STAG1: variants seen among roughly 807,000 people sequenced by gnomAD.
The protein encoded by STAG1 is cohesin subunit SA-1.
STAG1 carries 26 observed loss-of-function variants against 170.9 expected under a neutral mutation model. That is an observed-to-expected ratio of 0.15 (90% confidence interval 0.11 to 0.21). The LOEUF (loss-of-function observed/expected upper bound fraction) is 0.21. Ranked by LOEUF, STAG1 falls within the 10% of genes least tolerant of loss-of-function variation. The pLI is 1.00. For missense variants in STAG1, 964 were observed against 1,509.5 expected, an observed-to-expected ratio of 0.64 and a Z score of 5.99; for synonymous variants, 514 against 497.7, an observed-to-expected ratio of 1.03 and a Z score of -0.44.
Position 136,619,177 on chromosome 3 carries a change from A to G in STAG1, c.132+3969T>C, listed in dbSNP as rs142286802. Among the ~76,000 whole-genome samples, 359 of 151,888 alleles carry G rather than the reference A, an allele frequency of 2.4e-3. 2 individuals are homozygous for G. The highest frequency in any genetic ancestry group is 8.2e-3 in the African/African-American group (339 of 41,410). On this transcript the variant is annotated intron_variant, in intron 3 of 33. Coordinates refer to ENST00000383202, the MANE Select transcript of STAG1 (RefSeq NM_005862.3). ...TTAGAATCCTTCTGTGTTGGAAATT[A>G]TTTCAAAATGAAAAATTTTTTAAAC... is the stretch of plus-strand genomic sequence containing the variant.
chr3:136,421,720 C>T (rs1481770336), intron 19 of STAG1, among the ~76,000 whole-genome samples: 1 of 152,100 alleles, frequency 6.6e-6, no homozygotes, highest in Non-Finnish European at 1.5e-5. Context: ...CTTGGGCATA[C>T]CATTGATAAG....
chr3:136,496,048 G>C (rs1172264727), intron 9 of STAG1, among the ~76,000 whole-genome samples: 1 of 151,746 alleles, frequency 6.6e-6, no homozygotes, highest in Non-Finnish European at 1.5e-5. Context: ...GGAGGCTGAG[G>C]CAGGAGAACC....
intron 6 of STAG1, among the ~76,000 whole-genome samples, chr3:136,541,241 A>C (rs2107725448): frequency 6.6e-6 from 1 of 152,280 alleles, no homozygotes; most frequent in African/African-American, 2.4e-5. Flanking sequence ...GCTGAAAGTC[A>C]AGAAAAAGAA....
intron 14 of STAG1, among the ~76,000 whole-genome samples, chr3:136,446,066 T>C (rs1037622734): frequency 3.3e-5 from 5 of 152,198 alleles, no homozygotes; most frequent in Non-Finnish European, 7.4e-5. Flanking sequence ...GATTACTTTA[T>C]CTGTCCTTCA....
Position 136,349,211 on chromosome 3 carries a change from G to A in STAG1, c.3218C>T (p.Ser1073Leu). The change falls in exon 29 of 34, where the codon TCA becomes TTA. Residue 1073 changes from serine to leucine, a missense_variant. By Grantham distance (145) the Ser-to-Leu change is moderately radical. Coordinates refer to ENST00000383202, the MANE Select transcript of STAG1 (RefSeq NM_005862.3). The stretch of plus-strand genomic sequence containing the variant: ...TCGTCCTTTCTTATTCCTTACTGAT[G>A]AGGTTTTGCTGCTGCTACTTCCACT... ...VNSGSSSSKT[S>L]SVRNKKGRPP... The A allele has an allele frequency of 1.9e-6, 3 of 1,614,040 alleles. No individual in the cohort carries two copies. The highest frequency in any genetic ancestry group is 2.5e-6 in the Non-Finnish European group (3 of 1,179,984).
rs903753372 is a variant in STAG1 at position 136,514,518 on chromosome 3, T to C, written c.676+6695A>G. On this transcript the variant is annotated intron_variant, in intron 7 of 33. Transcript: ENST00000383202. Reference sequence around the variant, plus strand: ...AGACAGTGTGGTGATTCCCCAGTTATCTAGAACTAGAAATATCATTTGACC... The same window carrying C: ...AGACAGTGTGGTGATTCCCCAGTTACCTAGAACTAGAAATATCATTTGACC... 2.0e-5 allele frequency among the ~76,000 whole-genome samples: 3 copies of C among 152,182 alleles called. No individual in the cohort carries two copies. The South Asian group carries it at 6.2e-4, about 31-fold the overall frequency.
rs1361461200 is a variant in STAG1 at position 136,338,195 on chromosome 3, G to T, written c.*59C>A. The T allele has an allele frequency of 1.3e-5, 15 of 1,169,348 alleles. No individual in the cohort carries two copies. Among genetic ancestry groups the T allele is most frequent in the Non-Finnish European group, 1.9e-5 (15 of 785,946 alleles). The allele number at this position is 1,169,348 out of a possible 1,614,324, so 72.4% of individuals were successfully genotyped here. A position where few individuals can be genotyped will look rare whatever the true frequency, so the allele number is the denominator to read the frequency against. ...GTTTTTCCCCATACAAGCTATCACA[G>T]TATATAGGCCTCTAGCTCTAAATAA... On this transcript the variant is annotated 3_prime_UTR_variant, in exon 34 of 34. Coordinates refer to ENST00000383202, the MANE Select transcript of STAG1 (RefSeq NM_005862.3).
intron 4 of STAG1, among the ~76,000 whole-genome samples, chr3:136,603,237 G>A (rs1260897098): frequency 1.3e-5 from 2 of 151,646 alleles, no homozygotes; most frequent in Non-Finnish European, 2.9e-5. Flanking sequence ...TGTACCCCAG[G>A]CTGGAGTGCA....
At chr3:136,467,037 C>T (rs2089483486) in intron 12 of STAG1, among the ~76,000 whole-genome samples, 2 of 152,166 alleles carry the variant, frequency 1.3e-5, no homozygotes, top group Non-Finnish European at 2.9e-5. Flanking sequence ...CAGTACCAGC[C>T]ACTGCAAAAA....
intron 1 of STAG1, among the ~76,000 whole-genome samples, chr3:136,745,266 C>A (rs1028555282): frequency 4.6e-5 from 7 of 152,088 alleles, no homozygotes; most frequent in African/African-American, 1.7e-4. Flanking sequence ...GACATTCTCA[C>A]ATAACCCATA....
chr3:136,601,394 A>T (rs531285601), intron 4 of STAG1, among the ~76,000 whole-genome samples: 15 of 152,238 alleles, frequency 9.9e-5, no homozygotes, highest in Admixed American at 9.8e-4. Flanking sequence ...AGTAAAAATA[A>T]CATGAAGCAG....
chr3:136,340,796 A>C (rs1348518739), intron 31 of STAG1, among the ~76,000 whole-genome samples, 191 bp from the exon 32 acceptor site: 1 of 152,222 alleles, frequency 6.6e-6, no homozygotes, highest in Non-Finnish European at 1.5e-5. Flanking sequence ...ATTTCATCTC[A>C]CATATCAAAA....
intron 5 of STAG1, among the ~76,000 whole-genome samples, chr3:136,567,909 C>T (rs1410677492): frequency 6.6e-6 from 1 of 152,134 alleles, no homozygotes; most frequent in African/African-American, 2.4e-5. Flanking sequence ...TGTATTTCCC[C>T]TCTTTCTTAC....
intron 1 of STAG1, among the ~76,000 whole-genome samples, chr3:136,723,834 G>T (rs1471910423): frequency 6.8e-6 from 1 of 147,458 alleles, no homozygotes; most frequent in Non-Finnish European, 1.5e-5. Flanking sequence ...AGGGAGGTGG[G>T]GGGGTCAGCC....
intron 1 of STAG1, among the ~76,000 whole-genome samples, chr3:136,666,832 A>C (rs1010742868): frequency 2.0e-5 from 3 of 152,022 alleles, no homozygotes; most frequent in Admixed American, 6.6e-5. Context: ...AAAAAAAAAA[A>C]AAAAACCTGT....
intron 4 of STAG1, among the ~76,000 whole-genome samples, chr3:136,578,524 G>A (rs577304772): frequency 6.6e-6 from 1 of 152,280 alleles, no homozygotes; most frequent in East Asian, 1.9e-4. Context: ...TGACTGAAGG[G>A]GAACCAGATC....
intron 28 of STAG1, among the ~76,000 whole-genome samples, chr3:136,352,158 CTTT>C (rs1030505140): frequency 2.6e-5 from 4 of 151,800 alleles, no homozygotes; most frequent in Non-Finnish European, 5.9e-5. Context: ...AATATTTGTT[CTTT>C]TTATTTATTT....
At chr3:136,668,407 A>AAT (rs1012812308) in intron 1 of STAG1, among the ~76,000 whole-genome samples, 1 of 146,300 alleles carries the variant, frequency 6.8e-6, no homozygotes, top group Non-Finnish European at 1.5e-5. Context: ...TATTATGTAT[A>AAT]ATATATATAA....
intron 21 of STAG1, among the ~76,000 whole-genome samples, chr3:136,414,062 T>C (rs1205851811): frequency 6.6e-6 from 1 of 152,180 alleles, no homozygotes; most frequent in Non-Finnish European, 1.5e-5. Flanking sequence ...CTTCAGTGAG[T>C]CATAATTTTT....
Sources: allele counts gnomAD v4.1 joint callset (sites outside exome capture counted in the v4.1 genomes callset), GRCh38; gene constraint gnomAD v4.1.1; transcripts MANE v1.5; gene names NCBI Gene and HGNC (gene_info 2026-07-23, HGNC 2026-07-21).